Variants in IGFN1 observed in about 807,000 individuals in gnomAD.
IGFN1 encodes the protein immunoglobulin-like and fibronectin type III domain-containing protein 1.
Under a neutral mutation model 289.5 loss-of-function variants are expected in IGFN1, and 253 were observed. The ratio of observed to expected loss-of-function variants is 0.87; its 90% CI spans 0.79 to 0.97. The LOEUF is 0.97. IGFN1 is among the 50% of genes least tolerant of loss of function. The pLI is 0.00. For synonymous variants in IGFN1, 1,706 were observed against 1,788.5 expected (o/e 0.95, Z 1.16); for missense variants, 4,470 against 4,686.1 (o/e 0.95, Z 1.35).
chr1:201,224,991 G>A, intron 21 of IGFN1, 117 bp downstream of exon 21: 2 of 692,604 alleles, frequency 2.9e-6, no homozygotes, highest in East Asian at 3.0e-5. Context: ...GGTATGCAAA[G>A]TGACCATTCT....
At chr1:201,218,443 G>T (rs1653473808) in intron 17 of IGFN1, 87 bp from the exon 18 acceptor site, 2 of 1,364,110 alleles carry the variant, frequency 1.5e-6, no homozygotes, top group African/African-American at 2.9e-5. Flanking sequence ...CCCAGGCTTG[G>T]TCTCCTTCAG....
chr1:201,193,213 G>C, intron 1 of IGFN1, 34 bp from the exon 2 acceptor site: 1 of 1,085,204 alleles, frequency 9.2e-7, no homozygotes, highest in Non-Finnish European at 1.4e-6. Flanking sequence ...GACCAGCCTG[G>C]ATTTCTCAAA....
In IGFN1 at chr1:201,194,282, AGAGGGGAGCTGCG is replaced by A. The variant is rs1201302352; in HGVS notation, c.127+18_127+30del. The A allele has an allele frequency of 7.7e-6, 12 of 1,550,922 alleles. No homozygotes were observed. In the Admixed American group the frequency reaches 1.8e-4, roughly 23 times the overall value. ...CTCGGCTCTGCCAGAGGGTGAGCCC[AGAGGGGAGCTGCG>A]GAGGGGAGGCAAGATTCTTGCTCTC... On this transcript the variant is annotated intron_variant, in intron 3 of 23. Coordinates refer to ENST00000335211, the MANE Select transcript of IGFN1 (RefSeq NM_001164586.2).
At chr1:201,203,467 C>T (rs929760463) in intron 9 of IGFN1, among the ~76,000 whole-genome samples, 1 of 152,208 alleles carries the variant, frequency 6.6e-6, no homozygotes. Context: ...GGAATGTCAG[C>T]AACTTCAGGT....
chr1:201,226,259 C>T, intron 22 of IGFN1, 136 bp downstream of exon 22: 1 of 1,034,882 alleles, frequency 9.7e-7, no homozygotes, highest in Non-Finnish European at 1.3e-6. Context: ...AAATAACAGC[C>T]AGCAGCCCCG....
At position 201,216,688 on chromosome 1, in the gene IGFN1, G is replaced by T. The variant is rs374222395; in HGVS notation, c.9530G>T (p.Arg3177Leu). 11 of 1,613,860 alleles carry T rather than the reference G, an allele frequency of 6.8e-6. No homozygotes were observed. The South Asian group carries it at 1.2e-4, about 18-fold the overall frequency. The change falls in exon 16 of 24, where the codon CGG becomes CTG. Residue 3177 changes from arginine to leucine, a missense_variant. Coordinates refer to ENST00000335211, the MANE Select transcript of IGFN1 (RefSeq NM_001164586.2). ...EPGRKYTFRV[R>L]AVTSEGAGEA... ...GGCAGGAAGTATACCTTCCGAGTGC[G>T]GGCTGTGACCTCAGAGGGGGCTGGC...
In IGFN1 at chr1:201,227,167, C is replaced by A. The variant is rs765114840; in HGVS notation, c.11072C>A (p.Thr3691Lys). ...SGEYKAVAEN[T>K]LGQAVSTATL... is the part of the protein sequence containing the mutation. ...GAGTACAAGGCTGTGGCTGAGAACACGCTGGGCCAGGCAGTCAGCACTGCC... is the reference window on the plus strand; with the variant it reads ...GAGTACAAGGCTGTGGCTGAGAACAAGCTGGGCCAGGCAGTCAGCACTGCC... Residue 3691 changes from threonine to lysine, a missense_variant, in exon 23 of 24, where the codon ACG (threonine) becomes AAG (lysine). Thr to Lys is a moderately conservative substitution (Grantham distance 78). Around this residue, in one of 8 missense-constraint regions of IGFN1, gnomAD observed 2,218 missense variants for 2,114.1 expected, o/e 1.05. Transcript: ENST00000335211. 2.5e-6 allele frequency: 4 copies of A among 1,610,576 alleles called. No individual in the cohort carries two copies. Among genetic ancestry groups the A allele is most frequent in the Admixed American group, 1.7e-5 (1 of 59,672 alleles).
chr1:201,212,663 G>T lies in IGFN1; in HGVS notation c.7770G>T (p.Gly2590=), dbSNP rs1397380678. The T allele has an allele frequency of 2.6e-6, 4 of 1,542,690 alleles. No individual in the cohort carries two copies. Among genetic ancestry groups the T allele is most frequent in the Non-Finnish European group, 3.5e-6 (4 of 1,141,920 alleles). ...SLLGGRRVGS[G]SSVGTGQDLD... ...TGGGAGGCAGAAGGGTAGGCTCAGG[G>T]AGTTCAGTGGGGACAGGTCAGGATC... is the stretch of plus-strand genomic sequence containing the variant. Residue 2590 remains glycine (G), a synonymous_variant, in exon 12 of 24, where the codon GGG becomes GGT. Transcript: ENST00000335211.
chr1:201,223,402 A>T (rs1375827519), intron 20 of IGFN1, among the ~76,000 whole-genome samples: 2 of 148,102 alleles, frequency 1.4e-5, no homozygotes, highest in Non-Finnish European at 3.0e-5. Context: ...ATGGAGTCTC[A>T]CTCTGTCACC....
chr1:201,205,347 G>T lies in IGFN1; in HGVS notation c.1182G>T (p.Val394=). The change falls in exon 11 of 24, where the codon GTG becomes GTT. Residue 394 remains valine (V), a synonymous_variant. Transcript: ENST00000335211. ...TCTACACTTCCAGCGCCTGGCTGGTGGTTGAAGGTGAGTGCTTCAAAACTC... is the reference window on the plus strand; with the variant it reads ...TCTACACTTCCAGCGCCTGGCTGGTTGTTGAAGGTGAGTGCTTCAAAACTC... ...TGLYTSSAWL[V]VEAGKDKDLQ... The T allele has an allele frequency of 1.3e-6, 2 of 1,533,302 alleles. No individual in the cohort carries two copies. The highest frequency in any genetic ancestry group is 2.5e-5 in the East Asian group (1 of 40,646). The allele number at this position is 1,533,302 out of a possible 1,614,324, so 95.0% of individuals were successfully genotyped here. A position where few individuals can be genotyped will look rare whatever the true frequency, so the allele number is the denominator to read the frequency against.
rs779510777 is a variant in IGFN1, at chr1:201,226,974, C to A, written c.10879C>A (p.Gln3627Lys). The A allele has an allele frequency of 6.2e-7, 1 of 1,613,166 alleles. No individual in the cohort carries two copies. The highest frequency in any genetic ancestry group is 1.1e-5 in the South Asian group (1 of 91,060). Reference protein sequence around the residue: ...LVGLRSHLLPQGCECCMSCAV... With the variant: ...LVGLRSHLLPKGCECCMSCAV... ...GGGCCTGCGGTCCCACCTGCTGCCC[C>A]AGGGCTGCGAGTGCTGCATGAGCTG... Residue 3627 changes from glutamine (Q) to lysine (K), a missense_variant, in exon 23 of 24, where the codon CAG becomes AAG. Coordinates refer to ENST00000335211, the MANE Select transcript of IGFN1 (RefSeq NM_001164586.2).
rs1654052785 is a variant in IGFN1, at chr1:201,225,896, C to T, written c.10559C>T (p.Pro3520Leu). Residue 3520 changes from proline (P) to leucine (L), a missense_variant, in exon 22 of 24, where the codon CCC becomes CTC. Pro to Leu is a moderately conservative substitution (Grantham distance 98, BLOSUM62 -3). Around this residue, in one of 8 missense-constraint regions of IGFN1, gnomAD observed 2,218 missense variants for 2,114.1 expected, o/e 1.05. Transcript: ENST00000335211. The stretch of plus-strand genomic sequence containing the variant: ...GGGACGGTGACGGCCGAGTGGGAAC[C>T]CTCTCCTGACGAGGCCCAGGATGTC... The part of the protein sequence containing the change: ...VPGTVTAEWE[P>L]SPDEAQDVPL... The T allele has an allele frequency of 1.2e-6, 2 of 1,612,228 alleles. No individual in the cohort carries two copies. Among genetic ancestry groups the T allele is most frequent in the African/African-American group, 1.3e-5 (1 of 74,920 alleles).
At chr1:201,226,792 T>A (rs1024993511) in intron 22 of IGFN1, 90 bp from the exon 23 acceptor site, 17 of 1,008,396 alleles carry the variant, frequency 1.7e-5, no homozygotes, top group Non-Finnish European at 2.5e-5. Flanking sequence ...GCCTACATGG[T>A]AGCTTCATGA....
At chr1:201,201,930 C>A (rs918291469) in intron 9 of IGFN1, 98 bp downstream of exon 9, 7 of 679,720 alleles carry the variant, frequency 1.0e-5, no homozygotes, top group Admixed American at 2.1e-5. Flanking sequence ...TCCAAGGGAA[C>A]AACCAGAGCA....
chr1:201,209,439 G>A lies in IGFN1; in HGVS notation c.4546G>A (p.Gly1516Ser). 3.9e-6 allele frequency: 6 copies of A among 1,535,702 alleles called. No individual in the cohort carries two copies. Among genetic ancestry groups the A allele is most frequent in the Non-Finnish European group, 4.4e-6 (5 of 1,146,240 alleles). Residue 1516 changes from glycine to serine, a missense_variant, in exon 12 of 24, where the codon GGC (glycine) becomes AGC (serine). By Grantham distance (56) the Gly-to-Ser change is moderately conservative. Transcript: ENST00000335211. ...AGGGAGCAAAGCAGGTTATAGGGGT[G>A]GCTTAGGTTCTGGGGAAATGGGGTC... ...GSGSKAGYRG[G>S]LGSGEMGSVD...
Position 201,225,868 on chromosome 1 carries a change from C to G in IGFN1, c.10531C>G (p.Pro3511Ala), listed in dbSNP as rs376038652. ...PGPIHLQENV[P>A]GTVTAEWEPS... ...GCCCATCCACCTGCAGGAGAACGTG[C>G]CTGGGACGGTGACGGCCGAGTGGGA... Residue 3511 changes from proline (P) to alanine (A), a missense_variant, in exon 22 of 24, where the codon CCT becomes GCT. Physicochemically the swap from Pro to Ala is conservative, Grantham distance 27. Transcript: ENST00000335211. The G allele has an allele frequency of 4.3e-6, 7 of 1,613,184 alleles. No individual in the cohort carries two copies. The African/African-American group carries it at 8.0e-5, about 18-fold the overall frequency.
chr1:201,198,476 G>A (rs1260638103), intron 5 of IGFN1, among the ~76,000 whole-genome samples: 1 of 151,784 alleles, frequency 6.6e-6, no homozygotes, highest in East Asian at 1.9e-4. Context: ...CCAGGCTGGA[G>A]TGCAGTGGTG....
Position 201,211,622 on chromosome 1 carries a change from G to T in IGFN1, c.6729G>T (p.Gly2243=), listed in dbSNP as rs1451396267. The change falls in exon 12 of 24, where the codon GGG becomes GGT. Residue 2243 remains glycine, a synonymous_variant. Coordinates refer to ENST00000335211, the MANE Select transcript of IGFN1 (RefSeq NM_001164586.2). ...GTTTAGGGAGTTCTGGGGAAATGGGGTCAATGGATGAGGCAGATTATAGGA... is the reference window on the plus strand; with the variant it reads ...GTTTAGGGAGTTCTGGGGAAATGGGTTCAATGGATGAGGCAGATTATAGGA... ...RDGLGSSGEM[G]SMDEADYRKD... The T allele has an allele frequency of 6.5e-7, 1 of 1,535,466 alleles. No individual in the cohort carries two copies. Among genetic ancestry groups the T allele is most frequent in the African/African-American group, 1.4e-5 (1 of 72,804 alleles).
chr1:201,214,986 C>G (rs758851364), intron 13 of IGFN1, 27 bp from the exon 14 acceptor site: 1 of 1,607,888 alleles, frequency 6.2e-7, no homozygotes, highest in East Asian at 2.2e-5. Context: ...GTGGGGTGAC[C>G]TTCTCCTGCT....
Sources: allele counts gnomAD v4.1 joint callset (sites outside exome capture counted in the v4.1 genomes callset), GRCh38; gene constraint gnomAD v4.1.1; regional missense constraint gnomAD v4.1.1; transcripts MANE v1.5; gene names NCBI Gene and HGNC (gene_info 2026-07-23, HGNC 2026-07-21).